Variants in RBFOX1 observed in about 807,000 individuals in gnomAD.
RBFOX1 encodes the protein RNA binding fox-1 homolog 1.
In RBFOX1, 8 loss-of-function variants were observed where a neutral mutation model predicts 57.7. The observed-to-expected ratio is 0.14, with a 90% confidence interval of 0.08 to 0.25. RBFOX1 has a LOEUF of 0.25. Ranked by LOEUF, RBFOX1 falls within the 10% of genes least tolerant of loss-of-function variation. The pLI, the probability that RBFOX1 is intolerant of heterozygous loss-of-function variation, is 1.00. For missense variants in RBFOX1, 611 were observed against 548.5 expected (o/e 1.11, Z -1.14); for synonymous variants, 326 against 222.4 (o/e 1.47, Z -4.15).
In RBFOX1 at chr16:7,550,183, G is replaced by A. The variant is rs1026048051; in HGVS notation, c.271-29594G>A. Reference sequence around the variant, plus strand: ...TGGCCTCAGGCAATTCTCCCTCCTCGGCCTCCCGAAGCACTGGAATGCCAC... The same window carrying A: ...TGGCCTCAGGCAATTCTCCCTCCTCAGCCTCCCGAAGCACTGGAATGCCAC... On this transcript the variant is annotated intron_variant, in intron 5 of 15. Transcript: ENST00000550418. Among the ~76,000 whole-genome samples, 7 of 151,902 alleles carry A rather than the reference G, an allele frequency of 4.6e-5. No homozygotes were observed. The East Asian group carries it at 7.7e-4, about 17-fold the overall frequency.
intron 4 of RBFOX1, among the ~76,000 whole-genome samples, chr16:6,012,029 C>T (rs1023491427): frequency 6.6e-6 from 1 of 152,220 alleles, no homozygotes; most frequent in African/African-American, 2.4e-5. Flanking sequence ...CACTCACTTC[C>T]ACAGAGCTGT....
intron 12 of RBFOX1, among the ~76,000 whole-genome samples, chr16:7,662,313 C>A (rs1006385952): frequency 9.9e-5 from 15 of 152,188 alleles, no homozygotes; most frequent in Non-Finnish European, 2.2e-4. Context: ...TCTCCTAATT[C>A]AGGTTCGAGT....
chr16:7,673,609 A>T (rs1375815716), intron 13 of RBFOX1, among the ~76,000 whole-genome samples: 1 of 152,166 alleles, frequency 6.6e-6, no homozygotes, highest in Admixed American at 6.5e-5. Flanking sequence ...TAACTACCTC[A>T]AAGGACCTCT....
At chr16:7,664,625 C>G in intron 12 of RBFOX1, 2 of 412,988 alleles carry the variant, frequency 4.8e-6, no homozygotes, top group Non-Finnish European at 8.8e-6. Flanking sequence ...ACTTAAATCT[C>G]AGTCCTCTTT....
intron 4 of RBFOX1, among the ~76,000 whole-genome samples, chr16:5,896,181 C>T (rs2058159793): frequency 6.6e-6 from 1 of 152,088 alleles, no homozygotes; most frequent in Non-Finnish European, 1.5e-5. Flanking sequence ...TGAATGGTCC[C>T]CACAGCTGGT....
chr16:6,842,897 G>A (rs1454036809), intron 3 of RBFOX1, among the ~76,000 whole-genome samples: 1 of 151,854 alleles, frequency 6.6e-6, no homozygotes, highest in African/African-American at 2.4e-5. Flanking sequence ...GTTCAACTCC[G>A]ACTTATGAGT....
At chr16:6,185,640 C>G (rs2097100487) in intron 1 of RBFOX1, among the ~76,000 whole-genome samples, 2 of 152,196 alleles carry the variant, frequency 1.3e-5, no homozygotes, top group South Asian at 4.1e-4. Context: ...TTCCTCATAG[C>G]TAAATAGAAT....
chr16:5,944,062 C>A (rs2059339813), intron 4 of RBFOX1, among the ~76,000 whole-genome samples: 1 of 151,540 alleles, frequency 6.6e-6, no homozygotes, highest in African/African-American at 2.4e-5. Context: ...TCCATCCATC[C>A]ATCATTCAGC....
chr16:6,772,268 C>T (rs1393153821), intron 3 of RBFOX1, among the ~76,000 whole-genome samples: 1 of 152,086 alleles, frequency 6.6e-6, no homozygotes, highest in Non-Finnish European at 1.5e-5. Flanking sequence ...GCAGGTCAGG[C>T]CAGGCTATGG....
intron 4 of RBFOX1, among the ~76,000 whole-genome samples, chr16:7,221,494 G>A (rs984764437): frequency 6.6e-6 from 1 of 152,138 alleles, no homozygotes; most frequent in East Asian, 1.9e-4. Flanking sequence ...AGCTTCCAGA[G>A]TAGCTGGGAT....
At chr16:6,410,130 C>G (rs1009748120) in intron 2 of RBFOX1, among the ~76,000 whole-genome samples, 2 of 150,460 alleles carry the variant, frequency 1.3e-5, no homozygotes, top group African/African-American at 4.9e-5. Flanking sequence ...ACTTTCTTTT[C>G]TTCTTCATTG....
intron 4 of RBFOX1, among the ~76,000 whole-genome samples, chr16:5,965,399 G>A (rs2059823443): frequency 6.6e-6 from 1 of 152,120 alleles, no homozygotes; most frequent in Non-Finnish European, 1.5e-5. Context: ...AAAACATCAT[G>A]AGGTACATCT....
chr16:6,559,048 T>A (rs2153901680), intron 2 of RBFOX1, among the ~76,000 whole-genome samples: 1 of 152,210 alleles, frequency 6.6e-6, no homozygotes, highest in South Asian at 2.1e-4. Context: ...CTAGGATAGA[T>A]GAGAATATGT....
chr16:6,197,168 A>G (rs1381568618), intron 1 of RBFOX1, among the ~76,000 whole-genome samples: 1 of 152,204 alleles, frequency 6.6e-6, no homozygotes, highest in African/African-American at 2.4e-5. Context: ...GGCTGTGGAT[A>G]CTATGCATAC....
intron 4 of RBFOX1, among the ~76,000 whole-genome samples, chr16:7,222,505 C>T (rs2092804002): frequency 6.6e-6 from 1 of 152,166 alleles, no homozygotes; most frequent in Non-Finnish European, 1.5e-5. Context: ...CAACCTAATG[C>T]ATGTTAGCAC....
At chr16:6,405,783 A>T (rs1232915140) in intron 2 of RBFOX1, among the ~76,000 whole-genome samples, 1 of 152,198 alleles carries the variant, frequency 6.6e-6, no homozygotes, top group Non-Finnish European at 1.5e-5. Flanking sequence ...CTATTTTTAC[A>T]TTTGTTTCAA....
chr16:6,902,611 A>G lies in RBFOX1; in HGVS notation c.-15-149446A>G, dbSNP rs532020245. Among the ~76,000 whole-genome samples the G allele has an allele frequency of 6.6e-5, 10 of 152,256 alleles. No individual in the cohort carries two copies. In the East Asian group the frequency reaches 1.7e-3, roughly 27 times the overall value. On this transcript the variant is annotated intron_variant, in intron 3 of 15. Transcript: ENST00000550418. ...GTGGCACACACCTGTAATCCCAGCT[A>G]TTCAGGAGGCTCAGAAAGGAGAATT... is the stretch of plus-strand genomic sequence containing the variant.
intron 4 of RBFOX1, among the ~76,000 whole-genome samples, chr16:5,939,336 T>G (rs1428818743): frequency 6.6e-6 from 1 of 152,256 alleles, no homozygotes; most frequent in East Asian, 1.9e-4. Flanking sequence ...TTTCTGAGGT[T>G]CAGGAATTTG....
At chr16:5,618,485 C>T (rs2048112790) in intron 3 of RBFOX1, among the ~76,000 whole-genome samples, 1 of 152,046 alleles carries the variant, frequency 6.6e-6, no homozygotes, top group African/African-American at 2.4e-5. Flanking sequence ...CTACAGGCGC[C>T]CGCCATCACG....
Sources: allele counts gnomAD v4.1 joint callset (sites outside exome capture counted in the v4.1 genomes callset), GRCh38; gene constraint gnomAD v4.1.1; transcripts MANE v1.5; gene names NCBI Gene and HGNC (gene_info 2026-07-23, HGNC 2026-07-21).